TMC7: variants seen among roughly 807,000 people sequenced by gnomAD.
TMC7 encodes the protein transmembrane channel-like protein 7.
In TMC7, 54 loss-of-function variants were observed where a neutral mutation model predicts 82.9. The ratio of observed to expected loss-of-function variants is 0.65; its 90% CI spans 0.52 to 0.82. The LOEUF (loss-of-function observed/expected upper bound fraction) is 0.82. Ranked by LOEUF, TMC7 falls within the 40% of genes least tolerant of loss-of-function variation. The probability of loss-of-function intolerance (pLI) is 0.00; values close to 1 mark genes in which losing one functional copy is unlikely to be tolerated. For synonymous variants in TMC7, 350 were observed against 337.9 expected (o/e 1.04, Z -0.39); for missense variants, 820 against 901.2 (o/e 0.91, Z 1.15).
intron 1 of TMC7, among the ~76,000 whole-genome samples, chr16:19,007,477 A>T (rs1346030933): frequency 6.6e-6 from 1 of 152,090 alleles, no homozygotes; most frequent in Non-Finnish European, 1.5e-5. Context: ...CTCTTCCTCC[A>T]ACCTGTCACA....
At chr16:19,014,830 G>A (rs1959594474) in intron 2 of TMC7, among the ~76,000 whole-genome samples, 1 of 152,080 alleles carries the variant, frequency 6.6e-6, no homozygotes. Context: ...TGTTGCAGAT[G>A]GTTCATAAAT....
intron 1 of TMC7, among the ~76,000 whole-genome samples, chr16:19,005,749 G>A (rs932175811): frequency 1.3e-5 from 2 of 152,160 alleles, no homozygotes; most frequent in African/African-American, 4.8e-5. Context: ...TAGCCTCCAT[G>A]CAGGGCTTAG....
At chr16:18,995,128 G>T (rs972809927) in intron 1 of TMC7, among the ~76,000 whole-genome samples, 4 of 152,138 alleles carry the variant, frequency 2.6e-5, no homozygotes, top group African/African-American at 4.8e-5. Flanking sequence ...TGGGCAGGTG[G>T]GGATAAATAA....
intron 12 of TMC7, chr16:19,049,630 G>A: frequency 1.0e-6 from 1 of 985,352 alleles, no homozygotes. Flanking sequence ...TTAGCCCGTG[G>A]CTTCGCAGTG....
chr16:19,001,896 C>T (rs1025657931), intron 1 of TMC7, among the ~76,000 whole-genome samples: 1 of 152,194 alleles, frequency 6.6e-6, no homozygotes, highest in East Asian at 1.9e-4. Context: ...ATTCCCATAG[C>T]AGCTGGTGAG....
At chr16:19,003,377 C>T (rs1169283376) in intron 1 of TMC7, among the ~76,000 whole-genome samples, 8 of 150,470 alleles carry the variant, frequency 5.3e-5, no homozygotes, top group African/African-American at 1.5e-4. Flanking sequence ...CCCCTCTGCC[C>T]GGCCAGCCGC....
chr16:19,025,757 C>CT (rs1157353637), intron 5 of TMC7, among the ~76,000 whole-genome samples: 83 of 146,394 alleles, frequency 5.7e-4, no homozygotes, highest in Middle Eastern at 3.5e-3. Context: ...GCCCCCCACC[C>CT]TTTTTTTTTT....
chr16:19,047,276 C>T, intron 12 of TMC7, 27 bp downstream of exon 12: 8 of 1,603,362 alleles, frequency 5.0e-6, no homozygotes, highest in Non-Finnish European at 6.8e-6. Flanking sequence ...AATGGGGGCT[C>T]ATATACTGGG....
At chr16:19,013,081 T>C (rs544669363) in intron 2 of TMC7, among the ~76,000 whole-genome samples, 2 of 151,170 alleles carry the variant, frequency 1.3e-5, no homozygotes, top group East Asian at 2.0e-4. Context: ...CCTCCCAAAG[T>C]GCTGGGATTA....
chr16:19,018,679 C>T (rs981570402), intron 3 of TMC7, among the ~76,000 whole-genome samples: 2 of 151,930 alleles, frequency 1.3e-5, no homozygotes, highest in African/African-American at 4.8e-5. Context: ...GCTCATGCCC[C>T]CATCCTAGTG....
chr16:19,002,941 C>G (rs965021601), intron 1 of TMC7, among the ~76,000 whole-genome samples: 5 of 152,196 alleles, frequency 3.3e-5, no homozygotes, highest in African/African-American at 1.2e-4. Flanking sequence ...CATCAAGGCT[C>G]TAAGTGGTGA....
chr16:19,031,570 A>T (rs6497318), intron 6 of TMC7, among the ~76,000 whole-genome samples: 6 of 152,194 alleles, frequency 3.9e-5, no homozygotes, highest in South Asian at 2.1e-4. Flanking sequence ...GCTTGGGAGG[A>T]GGAGACAGGA....
chr16:19,058,556 C>T (rs1361510363), intron 14 of TMC7, among the ~76,000 whole-genome samples: 2 of 152,148 alleles, frequency 1.3e-5, no homozygotes, highest in African/African-American at 2.4e-5. Context: ...GTCATTCTCT[C>T]TCTTTCTGTC....
intron 3 of TMC7, among the ~76,000 whole-genome samples, chr16:19,020,002 T>C (rs1328582520): frequency 1.3e-5 from 2 of 152,210 alleles, no homozygotes; most frequent in East Asian, 3.8e-4. Flanking sequence ...CAGAATGCTT[T>C]CTATCCTCAG....
chr16:19,024,633 A>C (rs181345817), intron 5 of TMC7, among the ~76,000 whole-genome samples: 74 of 151,952 alleles, frequency 4.9e-4, no homozygotes, highest in African/African-American at 1.8e-3. Context: ...ATTGTAGCTC[A>C]CTGTAATCTC....
intron 1 of TMC7, among the ~76,000 whole-genome samples, chr16:18,987,603 G>A (rs1024169716): frequency 1.3e-5 from 2 of 152,170 alleles, no homozygotes; most frequent in African/African-American, 2.4e-5. Flanking sequence ...ACCACGCCAG[G>A]CTGGTAGCAG....
At chr16:19,014,767 T>G (rs1959590539) in intron 2 of TMC7, among the ~76,000 whole-genome samples, 1 of 152,048 alleles carries the variant, frequency 6.6e-6, no homozygotes, top group Non-Finnish European at 1.5e-5. Flanking sequence ...CCCTCCAGAC[T>G]CAGGATCAGC....
intron 11 of TMC7, 126 bp downstream of exon 11, chr16:19,045,564 C>A: frequency 1.5e-6 from 1 of 652,480 alleles, no homozygotes; most frequent in East Asian, 2.6e-5. Flanking sequence ...ACTCTACAGC[C>A]CTGGAAATCT....
intron 1 of TMC7, among the ~76,000 whole-genome samples, chr16:18,999,011 T>C (rs2039094571): frequency 6.6e-6 from 1 of 152,178 alleles, no homozygotes; most frequent in African/African-American, 2.4e-5. Flanking sequence ...GACTAAGCTC[T>C]GGGCTGCTGT....
Sources: allele counts gnomAD v4.1 joint callset (sites outside exome capture counted in the v4.1 genomes callset), GRCh38; gene constraint gnomAD v4.1.1; transcripts MANE v1.5; gene names NCBI Gene and HGNC (gene_info 2026-07-23, HGNC 2026-07-21).